HS3ST4: variants seen among roughly 807,000 people sequenced by gnomAD.
The protein encoded by HS3ST4 is heparan sulfate glucosamine 3-O-sulfotransferase 4.
In HS3ST4, 17 loss-of-function variants were observed where a neutral mutation model predicts 29.2. That is an observed-to-expected ratio of 0.58 (90% CI 0.40 to 0.87). The LOEUF (loss-of-function observed/expected upper bound fraction) is 0.87, where lower values mean the gene tolerates loss of function less well. Among genes scored for constraint, HS3ST4 ranks in the 40% least tolerant of loss-of-function variants. The pLI, the probability that HS3ST4 is intolerant of heterozygous loss-of-function variation, is 0.00. For missense variants in HS3ST4, 627 were observed against 634.5 expected (o/e 0.99, Z 0.13); for synonymous variants, 314 against 285.7 (o/e 1.10, Z -1.00).
At chr16:25,965,541 CA>C (rs1292755182) in intron 1 of HS3ST4, among the ~76,000 whole-genome samples, 22 of 152,188 alleles carry the variant, frequency 1.4e-4, no homozygotes, top group African/African-American at 5.1e-4. Context: ...ATTGAGTCTG[CA>C]GCCTCATGCA....
At chr16:25,705,268 T>A (rs1966367681) in intron 1 of HS3ST4, among the ~76,000 whole-genome samples, 1 of 151,966 alleles carries the variant, frequency 6.6e-6, no homozygotes. Flanking sequence ...CTGCAGAGGG[T>A]TAGAGATTTG....
intron 1 of HS3ST4, among the ~76,000 whole-genome samples, chr16:25,803,293 G>A (rs146825739): frequency 1.1e-3 from 165 of 152,166 alleles, no homozygotes; most frequent in Non-Finnish European, 2.1e-3. Context: ...ATAATTTCCG[G>A]AATGATGTTA....
chr16:25,708,399 G>A (rs1966390622), intron 1 of HS3ST4, among the ~76,000 whole-genome samples: 1 of 152,184 alleles, frequency 6.6e-6, no homozygotes, highest in Admixed American at 6.5e-5. Context: ...GAATACAGTT[G>A]TGTATTTGTT....
At chr16:26,106,078 C>A (rs1596682956) in intron 1 of HS3ST4, among the ~76,000 whole-genome samples, 1 of 152,296 alleles carries the variant, frequency 6.6e-6, no homozygotes, top group East Asian at 1.9e-4. Flanking sequence ...TGGTGGTTTC[C>A]TAAGACCGTA....
chr16:25,809,801 A>G (rs957168552), intron 1 of HS3ST4, among the ~76,000 whole-genome samples: 8 of 152,078 alleles, frequency 5.3e-5, no homozygotes, highest in African/African-American at 9.7e-5. Flanking sequence ...GTATTTCTCT[A>G]TCTTTTTAAT....
rs574085948 is a variant in HS3ST4 at position 26,099,657 on chromosome 16, A to G, written c.735-35955A>G. On this transcript the variant is annotated intron_variant, in intron 1 of 1. Coordinates refer to ENST00000331351, the MANE Select transcript of HS3ST4 (RefSeq NM_006040.3). Reference sequence around the variant, plus strand: ...TCACATTCATTTATTTGTCCATTTAACAAATATGTACTGAGGGCCAAATAT... The same window carrying G: ...TCACATTCATTTATTTGTCCATTTAGCAAATATGTACTGAGGGCCAAATAT... Among the ~76,000 whole-genome samples the G allele has an allele frequency of 1.6e-4, 25 of 152,206 alleles. No homozygotes were observed. The South Asian group carries it at 1.9e-3, about 11-fold the overall frequency.
At chr16:26,008,453 A>G (rs528048524) in intron 1 of HS3ST4, among the ~76,000 whole-genome samples, 65 of 152,304 alleles carry the variant, frequency 4.3e-4, no homozygotes, top group South Asian at 1.0e-3. Flanking sequence ...GGCTTGCCAT[A>G]TGCAGGAAGA....
chr16:26,092,291 C>A (rs1330614147), intron 1 of HS3ST4, among the ~76,000 whole-genome samples: 2 of 152,156 alleles, frequency 1.3e-5, no homozygotes, highest in African/African-American at 2.4e-5. Context: ...AATCCTAGCT[C>A]TGTTTGGCTT....
At chr16:26,008,507 A>T (rs3923771) in intron 1 of HS3ST4, among the ~76,000 whole-genome samples, 107,517 of 151,638 alleles carry the variant, frequency 0.71, 39,744 homozygotes, top group African/African-American at 0.92. Flanking sequence ...TTCTCCAATG[A>T]TTTCAACTTG....
At chr16:25,693,250 C>A in intron 1 of HS3ST4, 99 bp downstream of exon 1, 1 of 1,314,770 alleles carries the variant, frequency 7.6e-7, no homozygotes, top group Middle Eastern at 2.7e-4. Context: ...GGCACCGTCC[C>A]GAGAGGCCCA....
chr16:26,069,725 G>A (rs1386273266), intron 1 of HS3ST4, among the ~76,000 whole-genome samples: 1 of 106,768 alleles, frequency 9.4e-6, no homozygotes, highest in Non-Finnish European at 1.7e-5. Flanking sequence ...CCCCACAACA[G>A]GCCCTGGTGT....
chr16:26,112,017 A>G (rs1899137374), intron 1 of HS3ST4, among the ~76,000 whole-genome samples: 1 of 151,404 alleles, frequency 6.6e-6, no homozygotes, highest in Non-Finnish European at 1.5e-5. Context: ...CTCCACTCAA[A>G]AAAAAAAAAA....
intron 1 of HS3ST4, among the ~76,000 whole-genome samples, chr16:26,051,631 T>C (rs1360094892): frequency 6.6e-6 from 1 of 151,842 alleles, no homozygotes; most frequent in African/African-American, 2.4e-5. Context: ...CACGCAAGGA[T>C]TTCATGCAGC....
chr16:25,694,849 C>A (rs1966282202), intron 1 of HS3ST4, among the ~76,000 whole-genome samples: 2 of 151,554 alleles, frequency 1.3e-5, no homozygotes, highest in South Asian at 2.1e-4. Context: ...TCAAATCTTT[C>A]CAAGATCTGA....
At chr16:26,071,520 C>A (rs976860523) in intron 1 of HS3ST4, among the ~76,000 whole-genome samples, 1 of 152,170 alleles carries the variant, frequency 6.6e-6, no homozygotes, top group African/African-American at 2.4e-5. Context: ...AAAATCATGA[C>A]ATGCCAAAAC....
chr16:25,961,307 T>A (rs905244504), intron 1 of HS3ST4, among the ~76,000 whole-genome samples: 1 of 152,196 alleles, frequency 6.6e-6, no homozygotes, highest in African/African-American at 2.4e-5. Context: ...AATGTTTCTC[T>A]TCCCCAGGCT....
intron 1 of HS3ST4, among the ~76,000 whole-genome samples, chr16:25,869,864 C>G (rs968573055): frequency 2.0e-5 from 3 of 152,154 alleles, no homozygotes; most frequent in African/African-American, 7.2e-5. Context: ...TGCTATCCTA[C>G]TATAACCATA....
At chr16:25,944,534 A>G (rs909000713) in intron 1 of HS3ST4, among the ~76,000 whole-genome samples, 4 of 152,202 alleles carry the variant, frequency 2.6e-5, no homozygotes, top group Non-Finnish European at 4.4e-5. Context: ...AGCTGGGTTA[A>G]GTTAAGGACA....
chr16:25,806,288 C>G (rs1181509896), intron 1 of HS3ST4, among the ~76,000 whole-genome samples: 3 of 152,110 alleles, frequency 2.0e-5, no homozygotes, highest in Non-Finnish European at 2.9e-5. Context: ...TGATTTTTCT[C>G]TGGTCAATTC....
Sources: gnomAD v4.1 joint callset for allele counts (sites outside exome capture counted in the v4.1 genomes callset) on GRCh38, gnomAD v4.1.1 for gene constraint, MANE v1.5 for transcripts, NCBI Gene and HGNC (gene_info 2026-07-23, HGNC 2026-07-21) for gene names.